Variants in PAPPA2 observed in about 807,000 individuals in gnomAD.
The protein encoded by PAPPA2 is pappalysin 2.
Under a neutral mutation model 176.4 loss-of-function variants are expected in PAPPA2, and 86 were observed. That is an observed-to-expected ratio of 0.49 (90% CI 0.41 to 0.58). The LOEUF (loss-of-function observed/expected upper bound fraction) is 0.58. PAPPA2 is among the 20% of genes least tolerant of loss of function. The pLI is 0.00. For synonymous variants in PAPPA2, 809 were observed against 852.2 expected (o/e 0.95, Z 0.88); for missense variants, 2,073 against 2,256.9 (o/e 0.92, Z 1.65).
At chr1:176,554,628 G>T (rs1292953535) in intron 1 of PAPPA2, among the ~76,000 whole-genome samples, 1 of 152,034 alleles carries the variant, frequency 6.6e-6, no homozygotes, top group Non-Finnish European at 1.5e-5. Flanking sequence ...GTTCATTTTT[G>T]TAAATTACTT....
At chr1:176,477,954 G>C (rs114131063) in intron 1 of PAPPA2, among the ~76,000 whole-genome samples, 38 of 152,100 alleles carry the variant, frequency 2.5e-4, no homozygotes, top group Non-Finnish European at 5.9e-5. Flanking sequence ...CTATTTCCAA[G>C]TTAACAGCTG....
At chr1:176,705,811 G>C (rs1216336213) in intron 9 of PAPPA2, among the ~76,000 whole-genome samples, 1 of 152,180 alleles carries the variant, frequency 6.6e-6, no homozygotes, top group Admixed American at 6.5e-5. Context: ...GAGCCCTAAG[G>C]ATTCCCTAGA....
At chr1:176,468,792 C>A (rs959603770) in intron 1 of PAPPA2, among the ~76,000 whole-genome samples, 5 of 152,192 alleles carry the variant, frequency 3.3e-5, no homozygotes, top group African/African-American at 1.2e-4. Flanking sequence ...GTTTCCCTGA[C>A]AGAGGAATGT....
chr1:176,707,573 A>G (rs116142621), intron 10 of PAPPA2, among the ~76,000 whole-genome samples: 174 of 152,266 alleles, frequency 1.1e-3, no homozygotes, highest in African/African-American at 4.1e-3. Context: ...TTGCTTACCT[A>G]AATCTAGCCA....
rs1573019245 is a variant in PAPPA2 at position 176,544,039 on chromosome 1, G to A, written c.-916-11368G>A. On this transcript the variant is annotated intron_variant, in intron 1 of 22. Transcript: ENST00000367662. ...TAGACTCTATCATTTAAGTTTCTTA[G>A]GTTTGGGATTTAGTGTTAGATCAGA... Among the ~76,000 whole-genome samples the A allele has an allele frequency of 2.6e-5, 4 of 152,278 alleles. No individual in the cohort carries two copies. In the South Asian group the frequency reaches 8.3e-4, roughly 32 times the overall value.
intron 3 of PAPPA2, among the ~76,000 whole-genome samples, chr1:176,609,614 A>G (rs1240220877): frequency 6.6e-6 from 1 of 152,218 alleles, no homozygotes; most frequent in East Asian, 1.9e-4. Flanking sequence ...AGGAGCTAGC[A>G]TGCCTGAACT....
At chr1:176,795,307 C>T (rs1665379956) in intron 20 of PAPPA2, among the ~76,000 whole-genome samples, 1 of 152,144 alleles carries the variant, frequency 6.6e-6, no homozygotes, top group Admixed American at 6.6e-5. Context: ...CCGGTATCTC[C>T]TCAATGCGGG....
At chr1:176,841,040 A>G (rs556899538) in intron 22 of PAPPA2, among the ~76,000 whole-genome samples, 1 of 152,214 alleles carries the variant, frequency 6.6e-6, no homozygotes, top group Non-Finnish European at 1.5e-5. Context: ...TCCTTACTCA[A>G]TATGTGGCAG....
intron 6 of PAPPA2, among the ~76,000 whole-genome samples, chr1:176,693,844 C>A (rs1481887009): frequency 1.3e-5 from 2 of 152,214 alleles, no homozygotes; most frequent in African/African-American, 4.8e-5. Flanking sequence ...ACTGCCTGAA[C>A]AGCAAGTCCT....
chr1:176,629,469 T>C (rs979682219), intron 3 of PAPPA2, among the ~76,000 whole-genome samples: 13 of 152,082 alleles, frequency 8.5e-5, no homozygotes, highest in African/African-American at 3.1e-4. Flanking sequence ...GACATATGGG[T>C]CTGCCAGAGC....
At chr1:176,576,948 C>T (rs754568423) in intron 2 of PAPPA2, among the ~76,000 whole-genome samples, 1 of 152,026 alleles carries the variant, frequency 6.6e-6, no homozygotes, top group Non-Finnish European at 1.5e-5. Context: ...TGTTTGTATC[C>T]ACAGTAAAAT....
chr1:176,642,552 G>A (rs756086264), intron 3 of PAPPA2, among the ~76,000 whole-genome samples: 1 of 151,884 alleles, frequency 6.6e-6, no homozygotes, highest in Non-Finnish European at 1.5e-5. Flanking sequence ...GGTCAGTTTT[G>A]TGGCTTAAAT....
chr1:176,683,018 A>G (rs1425737042), intron 4 of PAPPA2, among the ~76,000 whole-genome samples: 1 of 145,868 alleles, frequency 6.9e-6, no homozygotes, highest in African/African-American at 2.6e-5. Context: ...CTATTTATTT[A>G]TTTATTTATT....
chr1:176,480,191 C>A (rs1014496981), intron 1 of PAPPA2, among the ~76,000 whole-genome samples: 1 of 152,182 alleles, frequency 6.6e-6, no homozygotes, highest in Non-Finnish European at 1.5e-5. Flanking sequence ...TGTAACTGGG[C>A]CTCCTCCGTG....
intron 3 of PAPPA2, among the ~76,000 whole-genome samples, chr1:176,657,502 T>C (rs1658097782): frequency 6.6e-6 from 1 of 151,942 alleles, no homozygotes; most frequent in Admixed American, 6.6e-5. Flanking sequence ...ATTCAAGGAG[T>C]GCAAAACACG....
chr1:176,696,663 TC>T (rs1226583446), intron 7 of PAPPA2, among the ~76,000 whole-genome samples: 1 of 152,212 alleles, frequency 6.6e-6, no homozygotes, highest in East Asian at 1.9e-4. Flanking sequence ...CTTGACTTCT[TC>T]CATCATCATC....
chr1:176,519,269 A>G (rs959368945), intron 1 of PAPPA2, among the ~76,000 whole-genome samples: 1 of 152,208 alleles, frequency 6.6e-6, no homozygotes. Flanking sequence ...GTGCAGTAGT[A>G]GTAGTGTGCA....
chr1:176,703,677 A>C (rs1374765529), intron 9 of PAPPA2, among the ~76,000 whole-genome samples: 1 of 152,202 alleles, frequency 6.6e-6, no homozygotes, highest in African/African-American at 2.4e-5. Context: ...GCAGTCACTC[A>C]ACATTGTTTA....
intron 1 of PAPPA2, among the ~76,000 whole-genome samples, chr1:176,523,431 G>A (rs1299190272): frequency 6.6e-6 from 1 of 152,178 alleles, no homozygotes; most frequent in East Asian, 1.9e-4. Flanking sequence ...ACTGTGTCAA[G>A]CTTGAGCCTC....
Sources: allele counts gnomAD v4.1 joint callset (sites outside exome capture counted in the v4.1 genomes callset), GRCh38; gene constraint gnomAD v4.1.1; transcripts MANE v1.5; gene names NCBI Gene and HGNC (gene_info 2026-07-23, HGNC 2026-07-21).